The following SGIP1 variants were observed in gnomAD, a reference collection of about 807,000 sequenced individuals.
SGIP1 encodes SH3GL interacting endocytic adaptor 1.
Under a neutral mutation model 107.5 loss-of-function variants are expected in SGIP1, and 38 were observed. The observed-to-expected ratio is 0.35, with a 90% CI of 0.27 to 0.46. SGIP1 has a LOEUF of 0.46. Ranked by LOEUF, SGIP1 falls within the 20% of genes least tolerant of loss-of-function variation. The probability of loss-of-function intolerance (pLI) is 1.00; values close to 1 mark genes in which losing one functional copy is unlikely to be tolerated. For missense variants in SGIP1, 929 were observed against 1,019.5 expected (o/e 0.91, Z 1.21); for synonymous variants, 365 against 366.1 (o/e 1.00, Z 0.03).
chr1:66,601,331 C>G (rs2065777492), intron 1 of SGIP1, among the ~76,000 whole-genome samples: 1 of 152,122 alleles, frequency 6.6e-6, no homozygotes, highest in South Asian at 2.1e-4. Flanking sequence ...CGCCACTGCA[C>G]TCCAGCCTGG....
chr1:66,570,218 A>G lies in SGIP1; in HGVS notation c.10+35850A>G, dbSNP rs374264346. ...TATTTTTAATAGTCTTAATTTCACT[A>G]TGTGAAATGCCATCAGTGAGCATGC... On this transcript the variant is annotated intron_variant, in intron 1 of 24. Coordinates refer to ENST00000371037, the MANE Select transcript of SGIP1 (RefSeq NM_032291.4). Among the ~76,000 whole-genome samples the G allele has an allele frequency of 5.3e-5, 8 of 151,906 alleles. No individual in the cohort carries two copies. The East Asian group carries it at 7.8e-4, about 15-fold the overall frequency.
intron 21 of SGIP1, among the ~76,000 whole-genome samples, chr1:66,735,194 G>GT (rs140369541): frequency 2.2e-4 from 34 of 151,232 alleles, no homozygotes; most frequent in Admixed American, 5.3e-4. Flanking sequence ...TTATTTTTAT[G>GT]TTATTTTATT....
intron 2 of SGIP1, among the ~76,000 whole-genome samples, chr1:66,626,261 A>G (rs1386994924): frequency 2.6e-5 from 4 of 151,558 alleles, no homozygotes; most frequent in Non-Finnish European, 5.9e-5. Context: ...TGACCTTACA[A>G]TCTGAACTAA....
intron 7 of SGIP1, among the ~76,000 whole-genome samples, chr1:66,656,937 T>C (rs916010498): frequency 1.2e-4 from 18 of 152,206 alleles, no homozygotes; most frequent in South Asian, 2.1e-4. Context: ...GGAAGCAACG[T>C]TGGGAGGATA....
chr1:66,672,651 T>C (rs915731663), intron 11 of SGIP1, among the ~76,000 whole-genome samples: 2 of 152,184 alleles, frequency 1.3e-5, no homozygotes, highest in African/African-American at 4.8e-5. Flanking sequence ...TAATTATGCA[T>C]CATTTTCTTA....
At chr1:66,742,826 T>C (rs887516752) in intron 24 of SGIP1, among the ~76,000 whole-genome samples, 2 of 152,126 alleles carry the variant, frequency 1.3e-5, no homozygotes, top group Admixed American at 6.5e-5. Context: ...AATCTCCCAA[T>C]CTATTCTGGG....
intron 8 of SGIP1, among the ~76,000 whole-genome samples, chr1:66,663,533 T>C (rs2081953666): frequency 6.6e-6 from 1 of 152,168 alleles, no homozygotes; most frequent in Admixed American, 6.5e-5. Flanking sequence ...AACTGACATA[T>C]ATAAAGCCCT....
At chr1:66,742,274 G>A (rs188269419) in intron 24 of SGIP1, among the ~76,000 whole-genome samples, 6 of 151,830 alleles carry the variant, frequency 4.0e-5, no homozygotes, top group African/African-American at 1.4e-4. Context: ...CAAACAATGG[G>A]GTTTTATTTT....
intron 7 of SGIP1, among the ~76,000 whole-genome samples, chr1:66,659,413 C>T (rs189827912): frequency 5.5e-4 from 83 of 152,292 alleles, no homozygotes; most frequent in Non-Finnish European, 9.6e-4. Flanking sequence ...GAAGAACTGA[C>T]GGCTCTAGCC....
intron 1 of SGIP1, among the ~76,000 whole-genome samples, chr1:66,604,246 A>G (rs1423105707): frequency 2.6e-5 from 4 of 152,184 alleles, no homozygotes; most frequent in Non-Finnish European, 5.9e-5. Context: ...CCTTGGGTTT[A>G]TTACCAGAGT....
intron 1 of SGIP1, among the ~76,000 whole-genome samples, chr1:66,624,448 A>G (rs1158940541): frequency 6.6e-6 from 1 of 152,226 alleles, no homozygotes; most frequent in East Asian, 1.9e-4. Flanking sequence ...ATAGTTTTAT[A>G]TGGGAGGACT....
intron 1 of SGIP1, among the ~76,000 whole-genome samples, chr1:66,541,013 T>A (rs934082625): frequency 4.6e-5 from 7 of 152,222 alleles, no homozygotes; most frequent in Non-Finnish European, 1.0e-4. Context: ...AATATATTCA[T>A]CCCTGACACA....
intron 1 of SGIP1, among the ~76,000 whole-genome samples, chr1:66,595,018 G>A (rs1180149926): frequency 6.6e-6 from 1 of 152,206 alleles, no homozygotes; most frequent in African/African-American, 2.4e-5. Flanking sequence ...TTGTAATGAA[G>A]GAGTTCCTGG....
chr1:66,671,975 A>G lies in SGIP1; in HGVS notation c.540A>G (p.Thr180=). 6.2e-7 allele frequency: 1 copy of G among 1,614,084 alleles called. No homozygotes were observed. Among genetic ancestry groups the G allele is most frequent in the African/African-American group, 1.3e-5 (1 of 75,040 alleles). The change falls in exon 11 of 25, where the codon ACA becomes ACG. Residue 180 remains threonine, a synonymous_variant. Transcript: ENST00000371037. ...SEEVARPRRS[T]PTPELISKKP... ...AAGTGGCAAGACCCAGGCGTTCCAC[A>G]CCAACTCCAGAACTTATAAGGTGAG... is the stretch of plus-strand genomic sequence containing the variant.
intron 1 of SGIP1, among the ~76,000 whole-genome samples, chr1:66,602,544 G>A (rs887434371): frequency 2.6e-5 from 4 of 152,086 alleles, no homozygotes; most frequent in Non-Finnish European, 5.9e-5. Flanking sequence ...CTGGATGTAT[G>A]ACGAGTTAAT....
At chr1:66,549,125 T>A (rs949407541) in intron 1 of SGIP1, among the ~76,000 whole-genome samples, 2 of 151,368 alleles carry the variant, frequency 1.3e-5, no homozygotes, top group South Asian at 2.1e-4. Context: ...CTTAAGCTCC[T>A]TCTGGCTACC....
rs1038383888 is a variant in SGIP1, at chr1:66,744,886, T to C, written c.*1791T>C. 1.3e-5 allele frequency: 2 copies of C among 152,516 alleles called. No homozygotes were observed. The highest frequency in any genetic ancestry group is 4.8e-5 in the African/African-American group (2 of 41,458). The allele number at this position is 152,516 out of a possible 1,614,324, so 9.4% of individuals were successfully genotyped here. ...TCATTTTATGTAAAGGTATCCAATT[T>C]GATTTTGAAACCAAAATAGAAAATG... On this transcript the variant is annotated 3_prime_UTR_variant, in exon 25 of 25. Transcript: ENST00000371037.
intron 8 of SGIP1, among the ~76,000 whole-genome samples, chr1:66,662,323 C>G (rs1384867148): frequency 6.6e-6 from 1 of 151,948 alleles, no homozygotes; most frequent in East Asian, 1.9e-4. Flanking sequence ...TCTTTGTTTC[C>G]CCATAGCACT....
At position 66,643,581 on chromosome 1, in the gene SGIP1, GGAA is replaced by G. The variant is rs773628491; in HGVS notation, c.334_336del (p.Glu112del). ...AGCACTTTTATTCTTCAAGTGAATC[GGAA>G]GAAGAAGAAGAATCACATAAGAAAT... On this transcript the variant is annotated inframe_deletion, in exon 7 of 25. Coordinates refer to ENST00000371037, the MANE Select transcript of SGIP1 (RefSeq NM_032291.4). The G allele has an allele frequency of 7.7e-5, 124 of 1,607,314 alleles. 1 individual carries two copies. The East Asian group carries it at 8.3e-4, about 11-fold the overall frequency.
Sources: allele counts gnomAD v4.1 joint callset (sites outside exome capture counted in the v4.1 genomes callset), GRCh38; gene constraint gnomAD v4.1.1; transcripts MANE v1.5; gene names NCBI Gene and HGNC (gene_info 2026-07-23, HGNC 2026-07-21).